The following MED12L variants were observed in gnomAD, a reference collection of about 807,000 sequenced individuals.
The protein encoded by MED12L is mediator complex subunit 12L.
A neutral mutation model predicts 281.3 loss-of-function variants in MED12L; 60 were observed. The ratio of observed to expected loss-of-function variants is 0.21; its 90% confidence interval spans 0.17 to 0.26. The LOEUF (loss-of-function observed/expected upper bound fraction) is 0.26. Among genes scored for constraint, MED12L ranks in the 10% least tolerant of loss-of-function variants. The pLI is 1.00. For synonymous variants in MED12L, 974 were observed against 987.2 expected (o/e 0.99, Z 0.25); for missense variants, 2,146 against 2,680.9 (o/e 0.80, Z 4.41).
At position 151,175,146 on chromosome 3, in the gene MED12L, A is replaced by G. The variant is rs1248057025; in HGVS notation, c.1494+9164A>G. Reference sequence around the variant, plus strand: ...AGGTTATGTTCTATTAGCAGTTAAGACTAACTTTTTTACTTCTGTGACTTG... The same window carrying G: ...AGGTTATGTTCTATTAGCAGTTAAGGCTAACTTTTTTACTTCTGTGACTTG... On this transcript the variant is annotated intron_variant, in intron 11 of 44. Transcript: ENST00000687756. Among the ~76,000 whole-genome samples the G allele has an allele frequency of 3.3e-5, 5 of 152,310 alleles. No individual in the cohort carries two copies. The South Asian group carries it at 1.0e-3, about 32-fold the overall frequency.
chr3:151,377,859 C>T (rs1711520710), intron 30 of MED12L, among the ~76,000 whole-genome samples, 153 bp from the exon 31 acceptor site: 1 of 151,938 alleles, frequency 6.6e-6, no homozygotes, highest in African/African-American at 2.4e-5. Flanking sequence ...GTCTAGTGTT[C>T]GGAAAAAGGA....
At chr3:151,247,216 G>A (rs903611941) in intron 16 of MED12L, among the ~76,000 whole-genome samples, 1 of 151,964 alleles carries the variant, frequency 6.6e-6, no homozygotes, top group African/African-American at 2.4e-5. Context: ...GATTCCTCAG[G>A]GATCTAGAAC....
At chr3:151,248,224 C>A (rs1346387168) in intron 16 of MED12L, among the ~76,000 whole-genome samples, 1 of 151,916 alleles carries the variant, frequency 6.6e-6, no homozygotes, top group Admixed American at 6.6e-5. Context: ...ACCTAAGACA[C>A]TAATAAAAAA....
intron 16 of MED12L, chr3:151,327,818 C>T (rs757920030): frequency 4.9e-5 from 22 of 448,448 alleles, no homozygotes; most frequent in Non-Finnish European, 7.8e-5. Context: ...ATGGTTCATT[C>T]AGCTTATGAA....
Position 151,219,341 on chromosome 3 carries a change from C to G in MED12L, c.2250+25675C>G, listed in dbSNP as rs1728867391. ...ATACGTTCATCTTAATAAAAGCAGG[C>G]TTAGTCAGCTCTGAGTTCATTACTC... On this transcript the variant is annotated intron_variant, in intron 16 of 44. Coordinates refer to ENST00000687756, the MANE Select transcript of MED12L (RefSeq NM_001393769.1). Among the ~76,000 whole-genome samples the G allele has an allele frequency of 3.9e-5, 6 of 152,178 alleles. No individual in the cohort carries two copies. In the South Asian group the frequency reaches 1.2e-3, roughly 32 times the overall value.
intron 11 of MED12L, among the ~76,000 whole-genome samples, chr3:151,168,674 T>C (rs1479562972): frequency 6.6e-6 from 1 of 152,216 alleles, no homozygotes; most frequent in African/African-American, 2.4e-5. Context: ...GATAACAAAA[T>C]AGATGGATCC....
chr3:151,095,598 T>A (rs1466612191), intron 2 of MED12L, among the ~76,000 whole-genome samples: 2 of 152,198 alleles, frequency 1.3e-5, no homozygotes, highest in Non-Finnish European at 2.9e-5. Context: ...CTGGCTGACT[T>A]TCTTTCAGTC....
chr3:151,160,185 T>C, intron 8 of MED12L, 84 bp downstream of exon 8: 1 of 1,343,086 alleles, frequency 7.4e-7, no homozygotes, highest in Middle Eastern at 2.2e-4. Flanking sequence ...AATTCTCTAG[T>C]TGACTTTTTA....
chr3:151,430,159 T>C (rs1719314459), intron 43 of MED12L, 140 bp from the exon 44 acceptor site: 2 of 1,237,560 alleles, frequency 1.6e-6, no homozygotes, highest in Non-Finnish European at 2.2e-6. Flanking sequence ...TGAAAATTAA[T>C]CCACACACAG....
chr3:151,147,941 T>C (rs890338306), intron 5 of MED12L, among the ~76,000 whole-genome samples: 11 of 152,366 alleles, frequency 7.2e-5, no homozygotes, highest in Non-Finnish European at 1.0e-4. Context: ...TGTGGAACTA[T>C]CCTACTGTTT....
rs867985202 is a variant in MED12L, at chr3:151,179,527, G to T, written c.1495-5803G>T. Among the ~76,000 whole-genome samples, 6 of 152,254 alleles carry T rather than the reference G, an allele frequency of 3.9e-5. No individual in the cohort carries two copies. The South Asian group carries it at 1.2e-3, about 32-fold the overall frequency. ...ACTGCCTCTCACAGCTCCAAATGCA[G>T]ACTATAACAATAAAGCTGAGAGGAT... On this transcript the variant is annotated intron_variant, in intron 11 of 44. Coordinates refer to ENST00000687756, the MANE Select transcript of MED12L (RefSeq NM_001393769.1).
At chr3:151,099,384 A>T (rs1560043889) in intron 2 of MED12L, among the ~76,000 whole-genome samples, 2 of 152,220 alleles carry the variant, frequency 1.3e-5, no homozygotes, top group African/African-American at 2.4e-5. Flanking sequence ...TTAGAAATTA[A>T]AACTGAGAAA....
chr3:151,118,539 A>G (rs1013088707), intron 3 of MED12L, among the ~76,000 whole-genome samples: 2 of 152,186 alleles, frequency 1.3e-5, no homozygotes, highest in Non-Finnish European at 2.9e-5. Context: ...ATGATAAAAC[A>G]TACATAACAT....
intron 40 of MED12L, among the ~76,000 whole-genome samples, chr3:151,409,912 C>T (rs1716761187): frequency 6.6e-6 from 1 of 152,136 alleles, no homozygotes; most frequent in Admixed American, 6.5e-5. Flanking sequence ...TTGCAGTGAG[C>T]TGTGATCTGT....
chr3:151,323,721 T>C lies in MED12L; in HGVS notation c.2251-26338T>C, dbSNP rs571694288. Among the ~76,000 whole-genome samples the C allele has an allele frequency of 8.5e-5, 13 of 152,330 alleles. No individual in the cohort carries two copies. The South Asian group carries it at 2.7e-3, about 32-fold the overall frequency. ...ACACCTCTTATCACATCTTGAGTCA[T>C]TATAATCTGTGTTCCTTACCAGTGT... is the stretch of plus-strand genomic sequence containing the variant. On this transcript the variant is annotated intron_variant, in intron 16 of 44. Transcript: ENST00000687756.
At chr3:151,354,595 T>C (rs1190316917) in intron 17 of MED12L, among the ~76,000 whole-genome samples, 1 of 152,210 alleles carries the variant, frequency 6.6e-6, no homozygotes. Context: ...ATCATTGTAA[T>C]TTAAAAGTTG....
At chr3:151,300,280 C>G in intron 16 of MED12L, 1 of 628,806 alleles carries the variant, frequency 1.6e-6, no homozygotes, top group South Asian at 1.8e-5. Context: ...TCAGTTAAAG[C>G]AATTGCCTCC....
intron 16 of MED12L, among the ~76,000 whole-genome samples, chr3:151,242,172 T>G (rs190185269): frequency 2.1e-3 from 324 of 152,208 alleles, no homozygotes; most frequent in African/African-American, 7.6e-3. Context: ...GAGATCAAAC[T>G]GCAAGGCAGC....
At chr3:151,349,710 T>C (rs543354060) in intron 16 of MED12L, among the ~76,000 whole-genome samples, 1 of 152,244 alleles carries the variant, frequency 6.6e-6, no homozygotes, top group Admixed American at 6.5e-5. Context: ...AAGGGAAAAA[T>C]ATGACTAGAC....
Sources: gnomAD v4.1 joint callset for allele counts (sites outside exome capture counted in the v4.1 genomes callset) on GRCh38, gnomAD v4.1.1 for gene constraint, MANE v1.5 for transcripts, NCBI Gene and HGNC (gene_info 2026-07-23, HGNC 2026-07-21) for gene names.